Variants in DAP observed in about 807,000 individuals in gnomAD.
DAP encodes death associated protein, also known as death-associated protein 1.
Under a neutral mutation model 13.8 loss-of-function variants are expected in DAP, and 8 were observed. The ratio of observed to expected loss-of-function variants is 0.58; its 90% CI spans 0.34 to 1.05. The LOEUF (loss-of-function observed/expected upper bound fraction) is 1.05, where lower values mean the gene tolerates loss of function less well. Ranked by LOEUF, DAP falls within the 50% of genes least tolerant of loss-of-function variation. The pLI is 0.03. For missense variants in DAP, 106 were observed against 133.2 expected (o/e 0.80, Z 1.01); for synonymous variants, 47 against 47.5 (o/e 0.99, Z 0.04).
intron 3 of DAP, 48 bp from the exon 4 acceptor site, chr5:10,681,217 G>GC: frequency 7.1e-7 from 1 of 1,418,042 alleles, no homozygotes; most frequent in Non-Finnish European, 9.3e-7. Context: ...GAAGCATGGG[G>GC]TTTGTGGGTG....
chr5:10,759,826 C>CT (rs1380782060), intron 1 of DAP, among the ~76,000 whole-genome samples: 9 of 134,366 alleles, frequency 6.7e-5, no homozygotes, highest in Non-Finnish European at 1.2e-4. Flanking sequence ...TCAATCTTGG[C>CT]TCACTACAAC....
At chr5:10,744,994 G>A (rs1308052714) in intron 2 of DAP, among the ~76,000 whole-genome samples, 1 of 152,210 alleles carries the variant, frequency 6.6e-6, no homozygotes, top group African/African-American at 2.4e-5. Flanking sequence ...AAACAGCTCT[G>A]AGATAGGGAT....
At chr5:10,732,277 C>T (rs532125105) in intron 2 of DAP, among the ~76,000 whole-genome samples, 15 of 152,312 alleles carry the variant, frequency 9.8e-5, no homozygotes, top group African/African-American at 3.4e-4. Flanking sequence ...TGCAACCCAC[C>T]ACCACCATCT....
At chr5:10,760,648 ACTTT>A (rs532168646) in intron 1 of DAP, among the ~76,000 whole-genome samples, 6 of 152,232 alleles carry the variant, frequency 3.9e-5, no homozygotes, top group Non-Finnish European at 8.8e-5. Context: ...TGCTTCTGCT[ACTTT>A]CTTTCTAGAC....
In DAP at chr5:10,680,414, C is replaced by T. The variant is rs34974881; in HGVS notation, c.*642G>A. 4,770 of 367,038 alleles carry T rather than the reference C, an allele frequency of 0.013. 44 individuals carry two copies. The highest frequency in any genetic ancestry group is 0.018 in the Non-Finnish European group (3,646 of 202,240). The allele number at this position is 367,038 out of a possible 1,614,324, so 22.7% of individuals were successfully genotyped here. A position where few individuals can be genotyped will look rare whatever the true frequency, so the allele number is the denominator to read the frequency against. On this transcript the variant is annotated 3_prime_UTR_variant, in exon 4 of 4. Transcript: ENST00000230895. ...TGCCAGAAGTCCTCCCTCGGAGCTA[C>T]CTGTCTCCAGCCTCATTCTTTGGCA...
chr5:10,751,916 T>C (rs1740056257), intron 1 of DAP, among the ~76,000 whole-genome samples: 1 of 152,220 alleles, frequency 6.6e-6, no homozygotes, highest in Non-Finnish European at 1.5e-5. Flanking sequence ...ACCCAGTCTG[T>C]GGTATTTTGT....
intron 2 of DAP, among the ~76,000 whole-genome samples, chr5:10,712,464 A>G (rs1255909801): frequency 1.3e-5 from 2 of 152,162 alleles, no homozygotes; most frequent in African/African-American, 4.8e-5. Flanking sequence ...AATTCAGGGT[A>G]TGGAGGGACT....
intron 2 of DAP, among the ~76,000 whole-genome samples, chr5:10,711,489 C>G (rs947187319): frequency 6.6e-6 from 1 of 152,198 alleles, no homozygotes; most frequent in Non-Finnish European, 1.5e-5. Flanking sequence ...CACACTGGTC[C>G]TCTGAGGACA....
At chr5:10,715,354 C>A (rs1364920779) in intron 2 of DAP, among the ~76,000 whole-genome samples, 1 of 152,182 alleles carries the variant, frequency 6.6e-6, no homozygotes, top group African/African-American at 2.4e-5. Flanking sequence ...CAACTTCCAA[C>A]CCATCAGGCT....
At chr5:10,702,953 G>T (rs1323111528) in intron 2 of DAP, among the ~76,000 whole-genome samples, 3 of 152,200 alleles carry the variant, frequency 2.0e-5, no homozygotes, top group Non-Finnish European at 2.9e-5. Flanking sequence ...GAGCATAAAC[G>T]ATCTGGCATG....
At chr5:10,689,147 T>G (rs919022303) in intron 2 of DAP, among the ~76,000 whole-genome samples, 4 of 152,110 alleles carry the variant, frequency 2.6e-5, no homozygotes, top group African/African-American at 7.2e-5. Flanking sequence ...AGTGATGATA[T>G]GAGATCATGA....
chr5:10,719,479 G>C (rs1430651138), intron 2 of DAP, among the ~76,000 whole-genome samples: 1 of 152,202 alleles, frequency 6.6e-6, no homozygotes, highest in Non-Finnish European at 1.5e-5. Context: ...GCAAGGCCCT[G>C]CCATCTTCTG....
chr5:10,694,067 G>A (rs934989202), intron 2 of DAP, among the ~76,000 whole-genome samples: 34 of 152,050 alleles, frequency 2.2e-4, no homozygotes, highest in Non-Finnish European at 4.0e-4. Context: ...CTCTTCAGTC[G>A]GGTCGTCTGA....
intron 1 of DAP, among the ~76,000 whole-genome samples, chr5:10,759,272 G>A (rs993075526): frequency 1.3e-5 from 2 of 152,122 alleles, no homozygotes; most frequent in Admixed American, 6.5e-5. Context: ...CAACAGATAC[G>A]CTTTAATGTA....
rs1284666679 is a variant in DAP at position 10,761,111 on chromosome 5, C to G, written c.-43G>C. 1 of 1,146,916 alleles carries G rather than the reference C, an allele frequency of 8.7e-7. No homozygotes were observed. The highest frequency in any genetic ancestry group is 3.7e-5 in the East Asian group (1 of 26,898). 71.0% of individuals were successfully genotyped at this position (1,146,916 alleles called of 1,614,324 possible). A position where few individuals can be genotyped will look rare whatever the true frequency, so the allele number is the denominator to read the frequency against. ...GCGGGGCCGAGGCGGCGGCGCGGTT[C>G]TCGGGCCGGGCGGGCGTGCGCGAGT... On this transcript the variant is annotated 5_prime_UTR_variant, in exon 1 of 4. Coordinates refer to ENST00000230895, the MANE Select transcript of DAP (RefSeq NM_004394.3).
intron 2 of DAP, among the ~76,000 whole-genome samples, chr5:10,723,864 G>A (rs186841286): frequency 6.6e-6 from 1 of 152,344 alleles, no homozygotes; most frequent in African/African-American, 2.4e-5. Flanking sequence ...TAAGGATACA[G>A]AAGGAGAGTC....
intron 2 of DAP, among the ~76,000 whole-genome samples, chr5:10,722,010 T>C (rs1023911416): frequency 2.0e-5 from 3 of 152,210 alleles, no homozygotes; most frequent in Non-Finnish European, 4.4e-5. Context: ...AAAGGATAGT[T>C]GTATTATGTT....
intron 1 of DAP, 44 bp downstream of exon 1, chr5:10,760,970 G>T: frequency 1.7e-6 from 2 of 1,184,366 alleles, no homozygotes; most frequent in Non-Finnish European, 2.1e-6. Flanking sequence ...GTTCGAGCCC[G>T]CCCCCGGCAC....
intron 2 of DAP, among the ~76,000 whole-genome samples, chr5:10,706,953 C>T (rs1273459523): frequency 6.6e-6 from 1 of 152,148 alleles, no homozygotes; most frequent in Non-Finnish European, 1.5e-5. Context: ...AACCTGGTCA[C>T]GCGCTTCCTC....
Sources: gnomAD v4.1 joint callset for allele counts (sites outside exome capture counted in the v4.1 genomes callset) on GRCh38, gnomAD v4.1.1 for gene constraint, MANE v1.5 for transcripts, NCBI Gene and HGNC (gene_info 2026-07-23, HGNC 2026-07-21) for gene names.